Variants in MAP3K15 observed in about 807,000 individuals in gnomAD.
MAP3K15 encodes MAPK/ERK kinase kinase 15.
A neutral mutation model predicts 99.5 loss-of-function variants in MAP3K15; 124 were observed. The ratio of observed to expected loss-of-function variants is 1.25; its 90% confidence interval spans 1.08 to 1.45. The LOEUF is 1.45. Ranked by LOEUF, MAP3K15 falls within the 40% of genes most tolerant of loss-of-function variation. The pLI is 0.00. For missense variants in MAP3K15, 1,242 were observed against 1,079.7 expected, an observed-to-expected ratio of 1.15 and a Z score of -2.11; for synonymous variants, 494 against 439.6, an observed-to-expected ratio of 1.12 and a Z score of -1.55.
At chrX:19,369,865 G>A (rs1264035967) in intron 24 of MAP3K15, among the ~76,000 whole-genome samples, 1 of 109,719 alleles carries the variant, frequency 9.1e-6, no homozygotes, top group East Asian at 2.9e-4. Flanking sequence ...AGGCGAGATC[G>A]CATCATTGCA....
intron 3 of MAP3K15, among the ~76,000 whole-genome samples, chrX:19,469,338 G>C (rs1317658495): frequency 8.9e-6 from 1 of 111,887 alleles, no homozygotes; most frequent in Non-Finnish European, 1.9e-5. Flanking sequence ...GGGAAAACTG[G>C]CTAGCCATAT....
intron 15 of MAP3K15, among the ~76,000 whole-genome samples, chrX:19,396,724 T>C (rs1384183992): frequency 4.5e-5 from 5 of 110,971 alleles, no homozygotes; most frequent in Admixed American, 9.7e-5. Flanking sequence ...ATCACCCAGA[T>C]ACATGGGTGT....
intron 3 of MAP3K15, among the ~76,000 whole-genome samples, chrX:19,484,681 G>A (rs188393661): frequency 8.9e-6 from 1 of 111,858 alleles, no homozygotes; most frequent in African/African-American, 3.2e-5. Context: ...AAGAAAACGA[G>A]TTGTCTTCCT....
chrX:19,512,568 G>C (rs1319486298), intron 1 of MAP3K15, among the ~76,000 whole-genome samples: 2 of 110,517 alleles, frequency 1.8e-5, no homozygotes, highest in Admixed American at 9.6e-5. Flanking sequence ...TCGACCTCCC[G>C]GGCTTAAGTG....
chrX:19,413,685 G>C (rs867146911), intron 10 of MAP3K15, among the ~76,000 whole-genome samples: 1 of 56,912 alleles, frequency 1.8e-5, no homozygotes, highest in Non-Finnish European at 2.9e-5. Flanking sequence ...CTTGGGGGGG[G>C]GGGTGGGGAA....
At chrX:19,380,784 G>A (rs1021130891) in intron 18 of MAP3K15, among the ~76,000 whole-genome samples, 2 of 112,846 alleles carry the variant, frequency 1.8e-5, no homozygotes, top group Non-Finnish European at 3.7e-5. Context: ...GCTTCCCAAA[G>A]TGCTGGGATT....
chrX:19,507,618 T>TAAAAAAAAAAAAAAAAAAAA (rs2064487885), intron 1 of MAP3K15, among the ~76,000 whole-genome samples: 1 of 45,628 alleles, frequency 2.2e-5, no homozygotes, highest in African/African-American at 8.2e-5. Flanking sequence ...AAAGAACAAC[T>TAAAAAAAAAAAAAAAAAAAA]AATATAAACT....
At chrX:19,418,832 C>T (rs1455604088) in intron 9 of MAP3K15, among the ~76,000 whole-genome samples, 1 of 112,126 alleles carries the variant, frequency 8.9e-6, no homozygotes, top group Non-Finnish European at 1.9e-5. Context: ...AGACTAACAG[C>T]TGATCTCTCT....
chrX:19,416,014 C>A (rs2063731486), intron 9 of MAP3K15, among the ~76,000 whole-genome samples: 1 of 111,642 alleles, frequency 9.0e-6, no homozygotes, highest in African/African-American at 3.3e-5. Flanking sequence ...GTGGTGAGCT[C>A]CTGTTGTAAG....
intron 9 of MAP3K15, among the ~76,000 whole-genome samples, chrX:19,423,772 C>A (rs1203934314): frequency 9.0e-6 from 1 of 111,491 alleles, no homozygotes; most frequent in African/African-American, 3.3e-5. Context: ...GGACCTTGGG[C>A]CATCCCAGAT....
rs1243948383 is a variant in MAP3K15, at chrX:19,395,165, G to C, written c.2110C>G (p.Leu704Val). 3 of 1,206,757 alleles carry C rather than the reference G, an allele frequency of 2.5e-6. No individual in the cohort carries two copies. The African/African-American group carries it at 5.3e-5, about 21-fold the overall frequency. The change falls in exon 16 of 29, where the codon CTT becomes GTT. Residue 704 changes from leucine (L) to valine (V), a missense_variant. Physicochemically the swap from Leu to Val is conservative, Grantham distance 32. Transcript: ENST00000338883. ...TACTGAACGATATTGCGGTGCTTAA[G>C]GTACTTGTGCAGGGCTATCTCCTCG... ...LHEEIALHKY[L>V]KHRNIVQYLG... is the part of the protein sequence containing the mutation.
At chrX:19,474,717 C>T (rs1049600810) in intron 3 of MAP3K15, among the ~76,000 whole-genome samples, 10 of 111,133 alleles carry the variant, frequency 9.0e-5, no homozygotes, top group Non-Finnish European at 1.9e-4. Flanking sequence ...TTTCATATCA[C>T]ATTACAGTTC....
chrX:19,399,739 CAAAAAAAAAA>C (rs777947449), intron 14 of MAP3K15, among the ~76,000 whole-genome samples: 5 of 35,500 alleles, frequency 1.4e-4, no homozygotes, highest in Admixed American at 9.5e-4. Context: ...ACTCTGTTTC[CAAAAAAAAAA>C]AAAAAAAAAA....
intron 9 of MAP3K15, among the ~76,000 whole-genome samples, chrX:19,417,477 C>T (rs748292081): frequency 1.8e-5 from 2 of 111,856 alleles, no homozygotes; most frequent in African/African-American, 3.2e-5. Flanking sequence ...AACTGCAAGG[C>T]GGCAGTGAGG....
intron 6 of MAP3K15, among the ~76,000 whole-genome samples, chrX:19,448,302 A>T (rs1252034971): frequency 9.2e-6 from 1 of 108,962 alleles, no homozygotes; most frequent in African/African-American, 3.3e-5. Flanking sequence ...TTAATAATTA[A>T]CGGTTTACCC....
At chrX:19,441,440 G>A (rs896108257) in intron 6 of MAP3K15, among the ~76,000 whole-genome samples, 1 of 107,769 alleles carries the variant, frequency 9.3e-6, no homozygotes, top group Non-Finnish European at 2.0e-5. Flanking sequence ...CTCCGAATAT[G>A]CTAAAAAAAC....
In MAP3K15 at chrX:19,425,546, A is replaced by G. The variant is rs751407521; in HGVS notation, c.1424T>C (p.Leu475Pro). 6.7e-6 allele frequency: 8 copies of G among 1,195,774 alleles called. No homozygotes were observed. The East Asian group carries it at 2.4e-4, about 35-fold the overall frequency. ...CACAACTCACCAGACTGGAGGTTTC[A>G]GTTTGAACAACCTCTCTGCTGCCTG... ...AVQAAERLFK[L>P]KPPVWYLRSL... The change falls in exon 9 of 29, where the codon CTG (leucine) becomes CCG (proline). Residue 475 changes from leucine (L) to proline (P), a missense_variant. Physicochemically the swap from Leu to Pro is moderately conservative, Grantham distance 98. Coordinates refer to ENST00000338883, the MANE Select transcript of MAP3K15 (RefSeq NM_001001671.4).
Position 19,488,880 on chromosome X carries a change from T to C in MAP3K15, c.449A>G (p.Asn150Ser), listed in dbSNP as rs377434934. 5.0e-6 allele frequency: 6 copies of C among 1,197,378 alleles called. No homozygotes were observed. The South Asian group carries it at 5.3e-5, about 11-fold the overall frequency. ...LGVRESFDMA[N>S]NVILYHDTDA... The stretch of plus-strand genomic sequence containing the variant: ...GGTGTCATGGTACAAGATCACATTA[T>C]TGGCCATGTCAAAGCTTTCTCGGAC... The change falls in exon 2 of 29, where the codon AAT (asparagine) becomes AGT (serine). Residue 150 changes from asparagine (N) to serine (S), a missense_variant. Physicochemically the swap from Asn to Ser is conservative, Grantham distance 46. Transcript: ENST00000338883.
intron 3 of MAP3K15, among the ~76,000 whole-genome samples, chrX:19,470,199 C>T (rs1225861533): frequency 1.8e-5 from 2 of 111,733 alleles, no homozygotes; most frequent in African/African-American, 3.3e-5. Flanking sequence ...GGCACATATA[C>T]ACCATGGAAT....
Sources: gnomAD v4.1 joint callset for allele counts (sites outside exome capture counted in the v4.1 genomes callset) on GRCh38, gnomAD v4.1.1 for gene constraint, MANE v1.5 for transcripts, NCBI Gene and HGNC (gene_info 2026-07-23, HGNC 2026-07-21) for gene names.